The following BCR variants were observed in gnomAD, a reference collection of about 807,000 sequenced individuals.
BCR encodes BCR activator of RhoGEF and GTPase, also known as breakpoint cluster region protein.
A neutral mutation model predicts 138.6 loss-of-function variants in BCR; 58 were observed. That is an observed-to-expected ratio of 0.42 (90% CI 0.34 to 0.52). The LOEUF is 0.52. BCR is among the 20% of genes least tolerant of loss of function. The probability of loss-of-function intolerance (pLI) is 0.06; values close to 1 mark genes in which losing one functional copy is unlikely to be tolerated. For missense variants in BCR, 1,599 were observed against 1,727.2 expected (o/e 0.93, Z 1.32); for synonymous variants, 786 against 730.1 (o/e 1.08, Z -1.23).
intron 1 of BCR, among the ~76,000 whole-genome samples, chr22:23,202,911 C>G (rs2072573042): frequency 6.6e-6 from 1 of 151,940 alleles, no homozygotes; most frequent in Non-Finnish European, 1.5e-5. Flanking sequence ...CCATCTCACT[C>G]TGCATCTGCA....
chr22:23,208,786 C>T (rs1009089887), intron 1 of BCR, among the ~76,000 whole-genome samples: 1 of 151,082 alleles, frequency 6.6e-6, no homozygotes, highest in Non-Finnish European at 1.5e-5. Flanking sequence ...ACCCGGGAGG[C>T]GGAGGTTGCA....
Position 23,187,973 on chromosome 22 carries a change from C to T in BCR, c.1279+5734C>T, listed in dbSNP as rs146835627. On this transcript the variant is annotated intron_variant, in intron 1 of 22. Transcript: ENST00000305877. The stretch of plus-strand genomic sequence containing the variant: ...CCTTTGAATTCCGGTGATGAGTTGG[C>T]GCCAGAGTGACCACTGCATTGTTTT... Among the ~76,000 whole-genome samples the T allele has an allele frequency of 1.3e-3, 197 of 152,268 alleles. 1 individual carries two copies. Among genetic ancestry groups the T allele is most frequent in the Middle Eastern group, 0.01 (3 of 294 alleles).
chr22:23,182,302 A>G (rs1394214135), intron 1 of BCR, 63 bp downstream of exon 1: 1 of 1,450,452 alleles, frequency 6.9e-7, no homozygotes, highest in Non-Finnish European at 9.1e-7. Context: ...ATAGACGAGT[A>G]GGGGATACAA....
At chr22:23,197,284 T>C (rs1263069770) in intron 1 of BCR, among the ~76,000 whole-genome samples, 2 of 152,188 alleles carry the variant, frequency 1.3e-5, no homozygotes, top group Non-Finnish European at 2.9e-5. Context: ...GTAGGCTCTG[T>C]CGTGTAGGTT....
intron 1 of BCR, among the ~76,000 whole-genome samples, chr22:23,226,606 G>A (rs989523316): frequency 1.3e-5 from 2 of 152,188 alleles, no homozygotes; most frequent in African/African-American, 2.4e-5. Context: ...GCTTAGTCCT[G>A]TCTGCTGCCT....
Position 23,287,269 on chromosome 22 carries a change from C to G in BCR, c.2517C>G (p.Arg839=). The change falls in exon 11 of 23, where the codon CGC becomes CGG. Residue 839 remains arginine (R), a synonymous_variant. Transcript: ENST00000305877. ...GCATGGCCTTCAGGGTGCACAGCCG[C>G]AACGGCAAGGTGAGCGCCTGCTGTT... is the stretch of plus-strand genomic sequence containing the variant. ...SPSMAFRVHS[R]NGKSYTFLIS... is the part of the protein sequence containing the mutation. 1 of 1,548,840 alleles carries G rather than the reference C, an allele frequency of 6.5e-7. No homozygotes were observed. The highest frequency in any genetic ancestry group is 8.7e-7 in the Non-Finnish European group (1 of 1,145,414).
rs1388449954 is a variant in BCR, at chr22:23,182,152, G to T, written c.1192G>T (p.Val398Phe). 6.2e-7 allele frequency: 1 copy of T among 1,609,112 alleles called. No individual in the cohort carries two copies. The highest frequency in any genetic ancestry group is 1.1e-5 in the South Asian group (1 of 90,950). ...TAAGCGGCACCGGCACTGCCCGGTT[G>T]TCGTGTCCGAGGCCACCATCGTGGG... The part of the protein sequence containing the change: ...CHKRHRHCPV[V>F]VSEATIVGVR... The change falls in exon 1 of 23, where the codon GTC becomes TTC. Residue 398 changes from valine (V) to phenylalanine (F), a missense_variant. Physicochemically the swap from Val to Phe is conservative, Grantham distance 50. Around this residue, in one of 4 missense-constraint regions of BCR, gnomAD observed 806 missense variants for 635.0 expected, o/e 1.27. Transcript: ENST00000305877.
chr22:23,188,746 C>G (rs1187695663), intron 1 of BCR, among the ~76,000 whole-genome samples: 1 of 151,006 alleles, frequency 6.6e-6, no homozygotes, highest in African/African-American at 2.4e-5. Flanking sequence ...TGGAATACAA[C>G]TGTTGTGGCT....
chr22:23,217,676 G>A lies in BCR; in HGVS notation c.1279+35437G>A, dbSNP rs79273546. 5.2e-3 allele frequency among the ~76,000 whole-genome samples: 790 copies of A among 152,290 alleles called. 6 individuals carry two copies. The highest frequency in any genetic ancestry group is 0.018 in the African/African-American group (752 of 41,530). ...GTCAATCCTTCAGGCTCCTTTTGAA[G>A]GTCATTGTTTTCCTAAACAGATGGT... is the stretch of plus-strand genomic sequence containing the variant. On this transcript the variant is annotated intron_variant, in intron 1 of 22. Coordinates refer to ENST00000305877, the MANE Select transcript of BCR (RefSeq NM_004327.4).
chr22:23,217,068 CAG>C (rs1483566192), intron 1 of BCR: 2 of 448,548 alleles, frequency 4.5e-6, no homozygotes, highest in East Asian at 1.5e-4. Flanking sequence ...GCATGATTCT[CAG>C]GGGCTCTGGT....
intron 1 of BCR, among the ~76,000 whole-genome samples, chr22:23,237,936 A>G (rs977023192): frequency 6.6e-6 from 1 of 152,188 alleles, no homozygotes; most frequent in Non-Finnish European, 1.5e-5. Context: ...TGCGCTGCTA[A>G]ATGTTGCAGG....
intron 1 of BCR, among the ~76,000 whole-genome samples, chr22:23,219,379 C>T (rs568351298): frequency 6.6e-6 from 1 of 152,194 alleles, no homozygotes; most frequent in Non-Finnish European, 1.5e-5. Context: ...CAAGCCTCTC[C>T]CCACCATGGC....
intron 4 of BCR, chr22:23,264,870 G>C (rs1054814): frequency 6.6e-6 from 1 of 152,478 alleles, no homozygotes; most frequent in African/African-American, 2.4e-5. Flanking sequence ...TTGAAACCAA[G>C]AGAGGGCAAA....
At position 23,289,509 on chromosome 22, in the gene BCR, C is replaced by A; in HGVS notation, c.2603-8C>A. 1 of 1,612,438 alleles carries A rather than the reference C, an allele frequency of 6.2e-7. No homozygotes were observed. Among genetic ancestry groups the A allele is most frequent in the Non-Finnish European group, 8.5e-7 (1 of 1,178,480 alleles). The stretch of plus-strand genomic sequence containing the variant: ...ACCAATTGGTGCACCTCTTTTCCAA[C>A]CTCCCAGGTTTCAGAAGCTTCTCCC... On this transcript the variant is annotated splice_region_variant and splice_polypyrimidine_tract_variant and intron_variant, in intron 12 of 22. Coordinates refer to ENST00000305877, the MANE Select transcript of BCR (RefSeq NM_004327.4).
At chr22:23,298,162 G>T (rs1182539412) in intron 16 of BCR, among the ~76,000 whole-genome samples, 1 of 152,206 alleles carries the variant, frequency 6.6e-6, no homozygotes, top group African/African-American at 2.4e-5. Flanking sequence ...GCAGGGTAGG[G>T]GTTGATGGAT....
In BCR at chr22:23,297,597, C is replaced by G. The variant is rs180756426; in HGVS notation, c.3012+2442C>G. Among the ~76,000 whole-genome samples, 546 of 152,266 alleles carry G rather than the reference C, an allele frequency of 3.6e-3. 3 individuals are homozygous for G. Among genetic ancestry groups the G allele is most frequent in the African/African-American group, 0.012 (510 of 41,546 alleles). The stretch of plus-strand genomic sequence containing the variant: ...CACCCAGCCTAGGGCATTCCTCCCC[C>G]ACAGTCCAGCCTGCATCTGGCACAG... On this transcript the variant is annotated intron_variant, in intron 16 of 22. Transcript: ENST00000305877.
intron 1 of BCR, among the ~76,000 whole-genome samples, chr22:23,238,544 C>T (rs1004354753): frequency 3.9e-5 from 6 of 152,136 alleles, no homozygotes; most frequent in South Asian, 2.1e-4. Context: ...GTTGGTTCCA[C>T]GTCCAAACCT....
chr22:23,194,903 T>C (rs2072459337), intron 1 of BCR, among the ~76,000 whole-genome samples: 1 of 152,150 alleles, frequency 6.6e-6, no homozygotes, highest in South Asian at 2.1e-4. Context: ...ATTGCACCAC[T>C]GCACTCCATC....
chr22:23,243,850 C>T (rs2146258047), intron 1 of BCR, among the ~76,000 whole-genome samples: 1 of 152,166 alleles, frequency 6.6e-6, no homozygotes, highest in African/African-American at 2.4e-5. Flanking sequence ...ATCATATTGG[C>T]CAGACTGGTC....
Sources: allele counts gnomAD v4.1 joint callset (sites outside exome capture counted in the v4.1 genomes callset), GRCh38; gene constraint gnomAD v4.1.1; regional missense constraint gnomAD v4.1.1; transcripts MANE v1.5; gene names NCBI Gene and HGNC (gene_info 2026-07-23, HGNC 2026-07-21).